The following CRPPA variants were observed in gnomAD, a reference collection of about 807,000 sequenced individuals.
CRPPA encodes the protein D-ribitol-5-phosphate cytidylyltransferase.
In CRPPA, 43 loss-of-function variants were observed where a neutral mutation model predicts 52.0. That is an observed-to-expected ratio of 0.83 (90% CI 0.65 to 1.07). The LOEUF is 1.07. CRPPA is among the 50% of genes least tolerant of loss of function. The pLI is 0.00. For synonymous variants in CRPPA, 250 were observed against 203.5 expected, an observed-to-expected ratio of 1.23 and a Z score of -1.94; for missense variants, 629 against 551.7, an observed-to-expected ratio of 1.14 and a Z score of -1.40.
chr7:16,171,068 C>T (rs1481071354), intron 9 of CRPPA, among the ~76,000 whole-genome samples: 3 of 152,224 alleles, frequency 2.0e-5, no homozygotes, highest in South Asian at 2.1e-4. Context: ...TCAGAGTGGA[C>T]GCCAAGGCCA....
intron 9 of CRPPA, among the ~76,000 whole-genome samples, chr7:16,116,821 G>T (rs572657941): frequency 6.6e-6 from 1 of 152,256 alleles, no homozygotes; most frequent in African/African-American, 2.4e-5. Context: ...AAGCGTATCA[G>T]AGGAACAAGA....
intron 8 of CRPPA, among the ~76,000 whole-genome samples, chr7:16,246,588 T>C (rs987082556): frequency 3.3e-5 from 5 of 152,226 alleles, no homozygotes; most frequent in African/African-American, 1.2e-4. Flanking sequence ...AAAATCTAAA[T>C]GACTCCTTGA....
intron 8 of CRPPA, among the ~76,000 whole-genome samples, chr7:16,236,877 A>G (rs1000729166): frequency 2.6e-5 from 4 of 152,120 alleles, no homozygotes; most frequent in African/African-American, 9.7e-5. Flanking sequence ...CTCTATTAAA[A>G]TTCAATATTA....
At chr7:16,285,651 A>C (rs1784409753) in intron 5 of CRPPA, among the ~76,000 whole-genome samples, 1 of 152,130 alleles carries the variant, frequency 6.6e-6, no homozygotes, top group South Asian at 2.1e-4. Flanking sequence ...CTAGTTAAGA[A>C]GCCCAAATTT....
chr7:16,189,607 G>C (rs146923769), intron 9 of CRPPA, among the ~76,000 whole-genome samples: 1 of 152,122 alleles, frequency 6.6e-6, no homozygotes, highest in Non-Finnish European at 1.5e-5. Context: ...TACCACACAG[G>C]TTACATTAAA....
intron 8 of CRPPA, among the ~76,000 whole-genome samples, chr7:16,256,566 T>C (rs140549442): frequency 0.032 from 4,827 of 152,216 alleles, 257 homozygotes; most frequent in African/African-American, 0.11. Flanking sequence ...ATACACACCA[T>C]GGAATACTAT....
Position 16,399,777 on chromosome 7 carries a change from C to T in CRPPA, c.534+6284G>A, listed in dbSNP as rs1256616732. 3.3e-5 allele frequency among the ~76,000 whole-genome samples: 5 copies of T among 152,226 alleles called. No individual in the cohort carries two copies. In the East Asian group the frequency reaches 5.8e-4, roughly 18 times the overall value. On this transcript the variant is annotated intron_variant, in intron 2 of 9. Transcript: ENST00000407010. ...TTTCTCACAAGTGACAAGTGGCTGA[C>T]ATGCTTGGCACGTGACCAACACGTG...
intron 4 of CRPPA, among the ~76,000 whole-genome samples, chr7:16,306,932 A>T (rs1348422686): frequency 6.6e-6 from 1 of 151,466 alleles, no homozygotes; most frequent in Non-Finnish European, 1.5e-5. Context: ...ACCAGGCAAT[A>T]CTTCAAACAT....
At chr7:16,264,844 C>T (rs75960172) in intron 6 of CRPPA, among the ~76,000 whole-genome samples, 53 of 152,212 alleles carry the variant, frequency 3.5e-4, no homozygotes, top group African/African-American at 1.3e-3. Context: ...TATGTGTGTG[C>T]ATGTGTGTAC....
chr7:16,274,775 G>T (rs914444188), intron 6 of CRPPA, among the ~76,000 whole-genome samples: 1 of 152,050 alleles, frequency 6.6e-6, no homozygotes, highest in Non-Finnish European at 1.5e-5. Flanking sequence ...AATTAAAAGA[G>T]AAATTTAAGT....
chr7:16,101,855 C>G (rs955702812), intron 9 of CRPPA, among the ~76,000 whole-genome samples: 3 of 152,066 alleles, frequency 2.0e-5, no homozygotes, highest in African/African-American at 7.2e-5. Flanking sequence ...TAGGAAGAAC[C>G]AATAACATGA....
chr7:16,125,608 T>C (rs1782563081), intron 9 of CRPPA, among the ~76,000 whole-genome samples: 1 of 152,130 alleles, frequency 6.6e-6, no homozygotes, highest in Non-Finnish European at 1.5e-5. Context: ...AAAATTATAG[T>C]AATGGACCCC....
At chr7:16,215,220 C>G (rs1413892457) in intron 9 of CRPPA, among the ~76,000 whole-genome samples, 1 of 152,148 alleles carries the variant, frequency 6.6e-6, no homozygotes, top group Non-Finnish European at 1.5e-5. Context: ...CATTCAGTAC[C>G]AAATTACTTT....
chr7:16,403,088 A>G (rs1445449158), intron 2 of CRPPA, among the ~76,000 whole-genome samples: 3 of 152,180 alleles, frequency 2.0e-5, no homozygotes, highest in African/African-American at 7.2e-5. Context: ...CCCAAAAGCA[A>G]TATTAAAGCC....
At chr7:16,261,435 C>T (rs1221143159) in intron 6 of CRPPA, among the ~76,000 whole-genome samples, 7 of 151,918 alleles carry the variant, frequency 4.6e-5, no homozygotes, top group African/African-American at 1.2e-4. Flanking sequence ...AAATCTAAAA[C>T]GTTTATTAGA....
intron 9 of CRPPA, among the ~76,000 whole-genome samples, chr7:16,194,547 A>G (rs866580484): frequency 6.6e-6 from 1 of 152,174 alleles, no homozygotes; most frequent in Non-Finnish European, 1.5e-5. Context: ...GAGAAAACCT[A>G]TGGAAAGTAT....
intron 2 of CRPPA, among the ~76,000 whole-genome samples, chr7:16,386,402 G>T (rs543656293): frequency 2.0e-5 from 3 of 152,256 alleles, no homozygotes; most frequent in Admixed American, 1.3e-4. Context: ...GCAACATTTG[G>T]GTGTGAAAAC....
chr7:16,280,388 G>A (rs1276826776), intron 5 of CRPPA, among the ~76,000 whole-genome samples: 1 of 152,152 alleles, frequency 6.6e-6, no homozygotes, highest in Non-Finnish European at 1.5e-5. Context: ...AGAGAAATCT[G>A]GGCTTTGTAA....
At chr7:16,325,475 A>AC (rs1219737556) in intron 3 of CRPPA, among the ~76,000 whole-genome samples, 3 of 152,304 alleles carry the variant, frequency 2.0e-5, no homozygotes, top group East Asian at 3.9e-4. Flanking sequence ...CACAAGAGCT[A>AC]CTCAGGAAGA....
Sources: gnomAD v4.1 joint callset for allele counts (sites outside exome capture counted in the v4.1 genomes callset) on GRCh38, gnomAD v4.1.1 for gene constraint, MANE v1.5 for transcripts, NCBI Gene and HGNC (gene_info 2026-07-23, HGNC 2026-07-21) for gene names.